CTNNA2: variants seen among roughly 807,000 people sequenced by gnomAD.
The protein encoded by CTNNA2 is catenin alpha 2.
CTNNA2 carries 42 observed loss-of-function variants against 101.0 expected under a neutral mutation model. The observed-to-expected ratio is 0.42, with a 90% CI of 0.32 to 0.54. The LOEUF (loss-of-function observed/expected upper bound fraction) is 0.54. Ranked by LOEUF, CTNNA2 falls within the 20% of genes least tolerant of loss-of-function variation. The pLI is 0.14. For missense variants in CTNNA2, 871 were observed against 1,223.1 expected (o/e 0.71, Z 4.29); for synonymous variants, 450 against 456.4 (o/e 0.99, Z 0.18).
intron 7 of CTNNA2, among the ~76,000 whole-genome samples, chr2:79,965,827 C>CAAAAAAAAAAAAAAAAAAAAAAAAAAAAA (rs10686940): frequency 3.8e-5 from 3 of 77,996 alleles, no homozygotes; most frequent in Non-Finnish European, 7.1e-5. Flanking sequence ...GAGACTATGT[C>CAAAAAAAAAAAAAAAAAAAAAAAAAAAAA]AAAAAAAAAA....
chr2:80,306,787 G>C (rs1001777193), intron 7 of CTNNA2, among the ~76,000 whole-genome samples: 2 of 147,374 alleles, frequency 1.4e-5, no homozygotes, highest in African/African-American at 5.2e-5. Flanking sequence ...CAATCCCTAG[G>C]GTTGCTAGGA....
intron 2 of CTNNA2, among the ~76,000 whole-genome samples, chr2:79,723,384 T>C (rs574244048): frequency 1.3e-5 from 2 of 152,358 alleles, no homozygotes; most frequent in African/African-American, 4.8e-5. Flanking sequence ...CTGGTATCAG[T>C]GTAGCTATTG....
chr2:79,189,289 A>G (rs1311566301), intron 1 of CTNNA2, among the ~76,000 whole-genome samples: 1 of 152,126 alleles, frequency 6.6e-6, no homozygotes, highest in Non-Finnish European at 1.5e-5. Context: ...TTTATTCTGA[A>G]TCATTCGTTC....
At chr2:80,249,066 A>T (rs1671557564) in intron 7 of CTNNA2, among the ~76,000 whole-genome samples, 1 of 152,150 alleles carries the variant, frequency 6.6e-6, no homozygotes, top group Non-Finnish European at 1.5e-5. Context: ...CTCCTCCATC[A>T]TCAGCAGGCT....
At chr2:79,873,750 T>TA (rs397871093) in intron 5 of CTNNA2, among the ~76,000 whole-genome samples, 4 of 151,804 alleles carry the variant, frequency 2.6e-5, no homozygotes, top group African/African-American at 9.7e-5. Context: ...TTTTTTTTTT[T>TA]AACTAGCCTG....
chr2:79,958,449 G>A (rs1558675382), intron 7 of CTNNA2, among the ~76,000 whole-genome samples: 2 of 152,144 alleles, frequency 1.3e-5, no homozygotes, highest in Non-Finnish European at 2.9e-5. Context: ...GAGGAGGGAG[G>A]CAGAAAAGGA....
At chr2:80,000,497 TA>T (rs1306746918) in intron 7 of CTNNA2, among the ~76,000 whole-genome samples, 1 of 152,144 alleles carries the variant, frequency 6.6e-6, no homozygotes, top group Non-Finnish European at 1.5e-5. Flanking sequence ...GACAGCATTT[TA>T]AAAAACTCTT....
At chr2:80,540,516 G>A (rs1282872889) in intron 9 of CTNNA2, among the ~76,000 whole-genome samples, 2 of 151,132 alleles carry the variant, frequency 1.3e-5, no homozygotes, top group African/African-American at 4.9e-5. Context: ...AGAATCACTT[G>A]AACCTGGGAG....
intron 7 of CTNNA2, among the ~76,000 whole-genome samples, chr2:80,286,305 G>A (rs1015747443): frequency 2.6e-5 from 4 of 151,666 alleles, no homozygotes; most frequent in South Asian, 2.1e-4. Flanking sequence ...TTTTCCCCCC[G>A]CCCCACCGTG....
At chr2:80,627,983 A>G (rs1671859950) in intron 18 of CTNNA2, among the ~76,000 whole-genome samples, 1 of 152,154 alleles carries the variant, frequency 6.6e-6, no homozygotes. Flanking sequence ...ACAAACAGAG[A>G]GCCAAGTCAT....
chr2:79,917,989 G>T (rs1264201315), intron 7 of CTNNA2, among the ~76,000 whole-genome samples: 2 of 152,152 alleles, frequency 1.3e-5, no homozygotes, highest in African/African-American at 2.4e-5. Flanking sequence ...AGGTCTTCTT[G>T]GGCCTTAATG....
At chr2:79,546,245 C>A (rs2104018108) in intron 1 of CTNNA2, among the ~76,000 whole-genome samples, 1 of 152,106 alleles carries the variant, frequency 6.6e-6, no homozygotes, top group South Asian at 2.1e-4. Context: ...CCTGAGTCAT[C>A]CAGTGTTTTT....
At chr2:80,381,999 A>G (rs1000929345) in intron 7 of CTNNA2, among the ~76,000 whole-genome samples, 3 of 152,186 alleles carry the variant, frequency 2.0e-5, no homozygotes, top group Non-Finnish European at 4.4e-5. Context: ...AGAAATTTCC[A>G]TCTTTTTCCC....
intron 3 of CTNNA2, among the ~76,000 whole-genome samples, chr2:79,759,821 A>G (rs1672657896): frequency 6.6e-6 from 1 of 152,216 alleles, no homozygotes; most frequent in Non-Finnish European, 1.5e-5. Context: ...GCTATTTAAT[A>G]TAGCCCAAAT....
chr2:79,463,109 G>A (rs1340285776), intron 4 of CTNNA2, among the ~76,000 whole-genome samples: 1 of 152,132 alleles, frequency 6.6e-6, no homozygotes, highest in African/African-American at 2.4e-5. Context: ...CTAACATAAA[G>A]GTATAATACA....
chr2:79,547,344 A>T (rs1673802957), intron 1 of CTNNA2: 1 of 152,190 alleles, frequency 6.6e-6, no homozygotes, highest in African/African-American at 2.4e-5. Flanking sequence ...AAATTGTTTG[A>T]TACTTTATGA....
Position 79,412,391 on chromosome 2 carries a change from A to G in CTNNA2, c.-135+38378A>G, listed in dbSNP as rs563588177. On this transcript the variant is annotated intron_variant, in intron 4 of 21. Transcript: ENST00000466387. ...AATTGAACTCAGCTCTGCACCAAGC[A>G]GACCTAATAGACATCTACAGAACTC... Among the ~76,000 whole-genome samples, 53 of 150,590 alleles carry G rather than the reference A, an allele frequency of 3.5e-4. No individual in the cohort carries two copies. The East Asian group carries it at 7.6e-3, about 22-fold the overall frequency.
At chr2:80,367,798 C>G (rs1471545959) in intron 7 of CTNNA2, among the ~76,000 whole-genome samples, 1 of 151,904 alleles carries the variant, frequency 6.6e-6, no homozygotes, top group Non-Finnish European at 1.5e-5. Flanking sequence ...TCTCTTCTTT[C>G]CTTTGGTTGT....
chr2:80,204,019 C>T (rs571050062), intron 7 of CTNNA2, among the ~76,000 whole-genome samples: 48 of 152,166 alleles, frequency 3.2e-4, no homozygotes, highest in Non-Finnish European at 6.8e-4. Context: ...TATACCATGG[C>T]CCCTTTTAGT....
Sources: allele counts gnomAD v4.1 joint callset (sites outside exome capture counted in the v4.1 genomes callset), GRCh38; gene constraint gnomAD v4.1.1; transcripts MANE v1.5; gene names NCBI Gene and HGNC (gene_info 2026-07-23, HGNC 2026-07-21).